Variants in IFT80 observed in about 807,000 individuals in gnomAD.
IFT80 encodes the protein intraflagellar transport protein 80 homolog.
IFT80 carries 79 observed loss-of-function variants against 107.9 expected under a neutral mutation model. That is an observed-to-expected ratio of 0.73 (90% CI 0.61 to 0.88). The LOEUF is 0.88. Among genes scored for constraint, IFT80 ranks in the 40% least tolerant of loss-of-function variants. The pLI is 0.00. For missense variants in IFT80, 797 were observed against 914.2 expected (o/e 0.87, Z 1.65); for synonymous variants, 299 against 300.9 (o/e 0.99, Z 0.07).
chr3:160,362,731 C>T (rs1230912478), intron 6 of IFT80, among the ~76,000 whole-genome samples: 6 of 152,172 alleles, frequency 3.9e-5, no homozygotes, highest in Admixed American at 1.3e-4. Flanking sequence ...AATAAAGAAA[C>T]GTAATCCATC....
At chr3:160,296,723 G>T (rs1466631806) in intron 12 of IFT80, among the ~76,000 whole-genome samples, 1 of 152,078 alleles carries the variant, frequency 6.6e-6, no homozygotes, top group Non-Finnish European at 1.5e-5. Context: ...GAAAGGCTTT[G>T]CCTGGGTCAC....
intron 1 of IFT80, among the ~76,000 whole-genome samples, 193 bp downstream of exon 1, chr3:160,398,953 C>A (rs943226012): frequency 6.6e-6 from 1 of 152,184 alleles, no homozygotes; most frequent in African/African-American, 2.4e-5. Flanking sequence ...TTCCAGTTGT[C>A]TCTCTACTCC....
chr3:160,384,520 T>C, intron 2 of IFT80, 44 bp downstream of exon 2: 2 of 1,411,244 alleles, frequency 1.4e-6, no homozygotes, highest in African/African-American at 1.5e-5. Context: ...AACAATACTA[T>C]AATTAAGAAA....
intron 8 of IFT80, among the ~76,000 whole-genome samples, chr3:160,324,651 T>C (rs1380466572): frequency 6.6e-6 from 1 of 152,094 alleles, no homozygotes; most frequent in African/African-American, 2.4e-5. Context: ...GAGCTATCTA[T>C]GACAAACCCA....
intron 3 of IFT80, among the ~76,000 whole-genome samples, chr3:160,380,155 C>A (rs1315330050): frequency 1.3e-5 from 2 of 151,822 alleles, no homozygotes; most frequent in South Asian, 4.2e-4. Context: ...ATCTCAGCCT[C>A]CCAAGTAGCT....
At chr3:160,375,422 C>G (rs919225506) in intron 5 of IFT80, among the ~76,000 whole-genome samples, 1 of 152,018 alleles carries the variant, frequency 6.6e-6, no homozygotes, top group South Asian at 2.1e-4. Flanking sequence ...ATGAAGTTAT[C>G]GGGGATTTTT....
chr3:160,347,578 T>C (rs1720380405), intron 8 of IFT80, among the ~76,000 whole-genome samples: 1 of 152,178 alleles, frequency 6.6e-6, no homozygotes, highest in South Asian at 2.1e-4. Context: ...CCAAATATAC[T>C]ATCCAACAAC....
At chr3:160,386,533 AT>A (rs1378369123) in intron 1 of IFT80, among the ~76,000 whole-genome samples, 4 of 152,190 alleles carry the variant, frequency 2.6e-5, no homozygotes, top group Non-Finnish European at 1.5e-5. Context: ...ACTAAAAATC[AT>A]TTATAAGTTG....
At chr3:160,343,348 C>T (rs1196910564) in intron 8 of IFT80, among the ~76,000 whole-genome samples, 1 of 152,066 alleles carries the variant, frequency 6.6e-6, no homozygotes, top group Non-Finnish European at 1.5e-5. Flanking sequence ...ATAGCACCAC[C>T]TGCTGATAGA....
At chr3:160,284,856 C>T (rs138912876) in intron 13 of IFT80, among the ~76,000 whole-genome samples, 16 of 152,092 alleles carry the variant, frequency 1.1e-4, no homozygotes, top group African/African-American at 3.9e-4. Flanking sequence ...AGGAAGAGAA[C>T]ATATATCAGT....
chr3:160,396,911 CTGTT>C (rs1467801087), intron 1 of IFT80, among the ~76,000 whole-genome samples: 1 of 152,148 alleles, frequency 6.6e-6, no homozygotes, highest in African/African-American at 2.4e-5. Flanking sequence ...TACTCTGTAG[CTGTT>C]TGTTATGTTT....
intron 8 of IFT80, among the ~76,000 whole-genome samples, chr3:160,323,350 T>C (rs1297593723): frequency 6.6e-6 from 1 of 150,850 alleles, no homozygotes; most frequent in East Asian, 2.0e-4. Context: ...TAGTTGTAGA[T>C]ATGCGGCATT....
chr3:160,280,364 T>TA (rs919918720), intron 15 of IFT80, among the ~76,000 whole-genome samples: 28 of 152,266 alleles, frequency 1.8e-4, no homozygotes, highest in African/African-American at 6.3e-4. Context: ...TGAAAAATCT[T>TA]AAAGAGTGCC....
intron 1 of IFT80, chr3:160,391,427 C>T (rs1713372107): frequency 6.6e-6 from 1 of 152,274 alleles, no homozygotes; most frequent in African/African-American, 2.4e-5. Context: ...AATCCCAGCA[C>T]TTTGGGGGGC....
intron 8 of IFT80, among the ~76,000 whole-genome samples, chr3:160,325,032 T>C (rs1718580616): frequency 6.6e-6 from 1 of 150,830 alleles, no homozygotes; most frequent in South Asian, 2.1e-4. Flanking sequence ...CATTCACAAT[T>C]GCTTCAAAGA....
intron 8 of IFT80, among the ~76,000 whole-genome samples, chr3:160,332,382 T>A (rs1352349066): frequency 6.6e-6 from 1 of 152,112 alleles, no homozygotes; most frequent in African/African-American, 2.4e-5. Flanking sequence ...GGGTGGAGGC[T>A]TTTATTGGTG....
intron 8 of IFT80, among the ~76,000 whole-genome samples, chr3:160,346,800 T>C (rs1312179358): frequency 1.3e-5 from 2 of 152,200 alleles, no homozygotes; most frequent in African/African-American, 2.4e-5. Context: ...ACTCCTTTAA[T>C]ACACGGCCAG....
At chr3:160,381,266 T>TATATATA (rs1553766638) in intron 3 of IFT80, among the ~76,000 whole-genome samples, 10 of 70,678 alleles carry the variant, frequency 1.4e-4, no homozygotes, top group Non-Finnish European at 2.0e-4. Flanking sequence ...ATATATATAT[T>TATATATA]AAAGCCAAAG....
chr3:160,313,955 C>A (rs1717600815), intron 9 of IFT80, among the ~76,000 whole-genome samples: 1 of 152,040 alleles, frequency 6.6e-6, no homozygotes, highest in African/African-American at 2.4e-5. Context: ...CAACTCAGGG[C>A]AGCTCCAGGA....
Sources: gnomAD v4.1 joint callset for allele counts (sites outside exome capture counted in the v4.1 genomes callset) on GRCh38, gnomAD v4.1.1 for gene constraint, MANE v1.5 for transcripts, NCBI Gene and HGNC (gene_info 2026-07-23, HGNC 2026-07-21) for gene names.